Variants in RNF213 observed in about 807,000 individuals in gnomAD.
The protein encoded by RNF213 is ring finger protein 213, also known as E3 ubiquitin-protein ligase RNF213.
RNF213 carries 341 observed loss-of-function variants against 514.4 expected under a neutral mutation model. The ratio of observed to expected loss-of-function variants is 0.66; its 90% CI spans 0.61 to 0.73. The LOEUF (loss-of-function observed/expected upper bound fraction) is 0.73. Ranked by LOEUF, RNF213 falls within the 30% of genes least tolerant of loss-of-function variation. RNF213 has a pLI of 0.00. For missense variants in RNF213, 5,767 were observed against 6,615.6 expected (o/e 0.87, Z 4.45); for synonymous variants, 2,655 against 2,658.2 (o/e 1.00, Z 0.04).
chr17:80,289,190 G>T (rs528256219), intron 5 of RNF213, among the ~76,000 whole-genome samples: 1 of 152,212 alleles, frequency 6.6e-6, no homozygotes, highest in Non-Finnish European at 1.5e-5. Flanking sequence ...GGAGAGAGGC[G>T]CCTCTGGAGG....
At chr17:80,388,122 C>T (rs1389787831) in intron 63 of RNF213, among the ~76,000 whole-genome samples, 1 of 152,136 alleles carries the variant, frequency 6.6e-6, no homozygotes, top group African/African-American at 2.4e-5. Context: ...CGCCACCATG[C>T]CCGGCTAATT....
chr17:80,355,795 C>T lies in RNF213; in HGVS notation c.10862+1219C>T, dbSNP rs141439032. On this transcript the variant is annotated intron_variant, in intron 36 of 67. Transcript: ENST00000582970. ...GAATGGGGGCTCATGGAGGAAAAAG[C>T]GGGGTGACCGGGAATGGGGGCTTAC... Among the ~76,000 whole-genome samples the T allele has an allele frequency of 2.3e-3, 195 of 83,742 alleles. 6 individuals carry two copies. Among genetic ancestry groups the T allele is most frequent in the Non-Finnish European group, 3.0e-3 (132 of 43,662 alleles). 54.9% of individuals were successfully genotyped at this position (83,742 alleles called of 152,430 possible).
Position 80,343,445 on chromosome 17 carries a change from T to G in RNF213, c.6183+120T>G. ...TTCCACACGCACAGTCCTGTGAAGC[T>G]TAACAGTGGGAATGTGCTCTGAGAA... is the stretch of plus-strand genomic sequence containing the variant. On this transcript the variant is annotated intron_variant, in intron 27 of 67. Coordinates refer to ENST00000582970, the MANE Select transcript of RNF213 (RefSeq NM_001256071.3). This position sits in a 1 kb window ranked among gnomAD's most constrained non-coding sequence, Gnocchi z 4.3. 1 of 917,894 alleles carries G rather than the reference T, an allele frequency of 1.1e-6. No homozygotes were observed. The highest frequency in any genetic ancestry group is 1.7e-6 in the Non-Finnish European group (1 of 579,042). 56.9% of individuals were successfully genotyped at this position (917,894 alleles called of 1,614,324 possible).
chr17:80,362,023 G>C, intron 39 of RNF213, 135 bp downstream of exon 39: 2 of 997,090 alleles, frequency 2.0e-6, no homozygotes, highest in Admixed American at 4.0e-5. Flanking sequence ...GTCAGCGAAG[G>C]GTGCCGGTGG....
chr17:80,303,687 C>T (rs1034524734), intron 11 of RNF213, among the ~76,000 whole-genome samples: 11 of 151,588 alleles, frequency 7.3e-5, no homozygotes, highest in African/African-American at 2.7e-4. Context: ...CCTCAGCCTC[C>T]CAAGTAGCTG....
chr17:80,373,373 G>A (rs966372719), intron 49 of RNF213, among the ~76,000 whole-genome samples: 1 of 150,250 alleles, frequency 6.7e-6, no homozygotes, highest in South Asian at 2.1e-4. Context: ...CTGCTTCCGC[G>A]TTCCGCCTGC....
chr17:80,300,393 G>A (rs962815204), intron 11 of RNF213, among the ~76,000 whole-genome samples: 5 of 151,896 alleles, frequency 3.3e-5, no homozygotes, highest in African/African-American at 4.8e-5. Flanking sequence ...GGTAGTGTGC[G>A]CCACCACATG....
In RNF213 at chr17:80,273,466, C is replaced by T. The variant is rs2043898874; in HGVS notation, c.261+62C>T. ...CACTCTGCCCAGGAAAATCTCACTG[C>T]ACAGCTGCCCAGCTAGCCCCCGAAA... On this transcript the variant is annotated intron_variant, in intron 3 of 67. Transcript: ENST00000582970. The T allele has an allele frequency of 7.5e-6, 12 of 1,598,786 alleles. No individual in the cohort carries two copies. In the South Asian group the frequency reaches 8.8e-5, roughly 12 times the overall value.
Position 80,388,677 on chromosome 17 carries a change from C to T in RNF213, c.14988C>T (p.Asn4996=). Residue 4996 remains asparagine, a synonymous_variant, in exon 64 of 68, where the codon AAC becomes AAT. Transcript: ENST00000582970. ...AACATCTCTTTATGGACATCAAGAACAAAATGGCACAGGTGATCCCGATAA... is the reference window on the plus strand; with the variant it reads ...AACATCTCTTTATGGACATCAAGAATAAAATGGCACAGGTGATCCCGATAA... ...NYEHLFMDIK[N]KMAQDSLPSS... 1 of 1,609,246 alleles carries T rather than the reference C, an allele frequency of 6.2e-7. No homozygotes were observed. The highest frequency in any genetic ancestry group is 8.5e-7 in the Non-Finnish European group (1 of 1,176,290).
At chr17:80,367,638 C>A (rs897026010) in intron 42 of RNF213, 110 bp from the exon 43 acceptor site, 2 of 798,410 alleles carry the variant, frequency 2.5e-6, no homozygotes, top group Non-Finnish European at 2.2e-6. Flanking sequence ...CCCCACACCC[C>A]ACACACACGG....
chr17:80,312,620 C>T (rs995311851), intron 14 of RNF213, among the ~76,000 whole-genome samples: 1 of 152,166 alleles, frequency 6.6e-6, no homozygotes, highest in African/African-American at 2.4e-5. Context: ...GGGTCAGGAG[C>T]CTGGCTGTCT....
chr17:80,344,916 C>G lies in RNF213; in HGVS notation c.6581C>G (p.Pro2194Arg). 6.2e-7 allele frequency: 1 copy of G among 1,614,150 alleles called. No homozygotes were observed. Among genetic ancestry groups the G allele is most frequent in the Non-Finnish European group, 8.5e-7 (1 of 1,180,028 alleles). Residue 2194 changes from proline to arginine, a missense_variant, in exon 29 of 68, where the codon CCG (proline) becomes CGG (arginine). Coordinates refer to ENST00000582970, the MANE Select transcript of RNF213 (RefSeq NM_001256071.3). ...QYQEGSVEGT[P>R]EECLQHFLFH... Reference sequence around the variant, plus strand: ...CAAGAAGGCTCTGTCGAAGGCACCCCGGAGGAATGCCTCCAGCATTTCCTG... The same window carrying G: ...CAAGAAGGCTCTGTCGAAGGCACCCGGGAGGAATGCCTCCAGCATTTCCTG...
rs1167446112 is a variant in RNF213 at position 80,377,894 on chromosome 17, C to T, written c.13545+98C>T. On this transcript the variant is annotated intron_variant, in intron 54 of 67. Coordinates refer to ENST00000582970, the MANE Select transcript of RNF213 (RefSeq NM_001256071.3). This position sits in a 1 kb window ranked among gnomAD's most constrained non-coding sequence, Gnocchi z 4.1. ...TCAGGAGAGTGAGGCTCTCGGCCTTCCAGGAGAGCACAGGCTCACCGAGGA... is the reference window on the plus strand; with the variant it reads ...TCAGGAGAGTGAGGCTCTCGGCCTTTCAGGAGAGCACAGGCTCACCGAGGA... The T allele has an allele frequency of 2.2e-6, 3 of 1,375,162 alleles. No individual in the cohort carries two copies. In the African/African-American group the frequency reaches 4.3e-5, roughly 20 times the overall value. The allele number at this position is 1,375,162 out of a possible 1,614,324, so 85.2% of individuals were successfully genotyped here.
In RNF213 at chr17:80,317,017, G is replaced by A. The variant is rs2045969445; in HGVS notation, c.2812-171G>A. Among the ~76,000 whole-genome samples the A allele has an allele frequency of 6.6e-6, 1 of 152,272 alleles. No individual in the cohort carries two copies. Among genetic ancestry groups the A allele is most frequent in the Admixed American group, 6.5e-5 (1 of 15,288 alleles). ...TTCTAGAAAGCCAACCTGGGCTGCT[G>A]TGACCGGCCACTAGCATGGCTGACT... On this transcript the variant is annotated intron_variant, in intron 15 of 67. Transcript: ENST00000582970. This position sits in a 1 kb window ranked among gnomAD's most constrained non-coding sequence, Gnocchi z 4.1.
Position 80,337,869 on chromosome 17 carries a change from G to A in RNF213, c.4705G>A (p.Glu1569Lys), listed in dbSNP as rs1349426361. Residue 1569 changes from glutamate to lysine, a missense_variant, in exon 25 of 68, where the codon GAG becomes AAG. Physicochemically the swap from Glu to Lys is moderately conservative, Grantham distance 56. Transcript: ENST00000582970. ...PDTVLHLILPESPGSHEESRE... is the reference protein window; with the variant it reads ...PDTVLHLILPKSPGSHEESRE... ...CACGGTTCTGCACTTGATCCTTCCT[G>A]AGAGCCCTGGCAGCCACGAGGAGTC... 8 of 1,537,178 alleles carry A rather than the reference G, an allele frequency of 5.2e-6. No individual in the cohort carries two copies. Among genetic ancestry groups the A allele is most frequent in the African/African-American group, 1.4e-5 (1 of 73,042 alleles).
intron 63 of RNF213, 34 bp from the exon 64 acceptor site, chr17:80,388,578 T>G: frequency 7.1e-7 from 1 of 1,414,526 alleles, no homozygotes; most frequent in Non-Finnish European, 1.0e-6. Flanking sequence ...ACGATGGATT[T>G]AATTTTAAAA....
In RNF213 at chr17:80,288,255, T is replaced by G; in HGVS notation, c.702T>G (p.Thr234=). ...CTGCTGGTGAAGGCCATTCTAGGAC[T>G]GAAGATGCTGCCCAGGAGCTCCTGT... ...PTSAGEGHSR[T]EDAAQELLLP... The change falls in exon 4 of 68, where the codon ACT becomes ACG. Residue 234 remains threonine, a synonymous_variant. Coordinates refer to ENST00000582970, the MANE Select transcript of RNF213 (RefSeq NM_001256071.3). The surrounding 1 kb of genome is among the most constrained non-coding windows in gnomAD (Gnocchi z 4.9). 1.2e-6 allele frequency: 2 copies of G among 1,613,268 alleles called. No individual in the cohort carries two copies. The highest frequency in any genetic ancestry group is 1.1e-5 in the South Asian group (1 of 91,078).
At chr17:80,375,687 A>G (rs934384887) in intron 50 of RNF213, 73 bp from the exon 51 acceptor site, 62 of 1,040,132 alleles carry the variant, frequency 6.0e-5, no homozygotes, top group South Asian at 3.3e-4. Flanking sequence ...TGGGTGACAG[A>G]GCAAGACTCC....
chr17:80,279,629 T>C (rs1466508371), intron 3 of RNF213, among the ~76,000 whole-genome samples: 1 of 151,868 alleles, frequency 6.6e-6, no homozygotes, highest in Non-Finnish European at 1.5e-5. Flanking sequence ...CACGCCCGGC[T>C]ACTTTTTTTG....
Sources: allele counts gnomAD v4.1 joint callset (sites outside exome capture counted in the v4.1 genomes callset), GRCh38; gene constraint gnomAD v4.1.1; non-coding constraint Gnocchi (gnomAD v3.1); transcripts MANE v1.5; gene names NCBI Gene and HGNC (gene_info 2026-07-23, HGNC 2026-07-21).